The following EP400 variants were observed in gnomAD, a reference collection of about 807,000 sequenced individuals.
The protein encoded by EP400 is E1A binding protein p400, also known as E1A-binding protein p400.
Under a neutral mutation model 354.1 loss-of-function variants are expected in EP400, and 105 were observed. The observed-to-expected ratio is 0.30, with a 90% CI of 0.25 to 0.35. EP400 has a LOEUF of 0.35. Among genes scored for constraint, EP400 ranks in the 10% least tolerant of loss-of-function variants. The pLI is 1.00. For missense variants in EP400, 3,280 were observed against 4,121.0 expected, an observed-to-expected ratio of 0.80 and a Z score of 5.59; for synonymous variants, 1,646 against 1,716.9, an observed-to-expected ratio of 0.96 and a Z score of 1.02.
chr12:131,989,905 C>T, intron 7 of EP400, 59 bp from the exon 8 acceptor site: 10 of 1,579,386 alleles, frequency 6.3e-6, no homozygotes, highest in Non-Finnish European at 7.7e-6. Flanking sequence ...GTTACATATC[C>T]TTTTTTTTCC....
Position 131,960,707 on chromosome 12 carries a change from G to GAC in EP400, c.88_89insAC (p.Ala30AspfsTer33). ...TGGCAGCGAGGGTGAGGAGCAGCCG[G>GAC]CCCACCCCAACCCACCCCCGTCCCC... On this transcript the variant is annotated frameshift_variant, in exon 2 of 53. Coordinates refer to ENST00000389561, the MANE Select transcript of EP400 (RefSeq NM_015409.5). LOFTEE classifies it high-confidence loss of function. The GAC allele has an allele frequency of 4.5e-6, 7 of 1,545,552 alleles. No individual in the cohort carries two copies. The highest frequency in any genetic ancestry group is 2.4e-5 in the South Asian group (2 of 83,340).
chr12:132,021,237 C>T lies in EP400; in HGVS notation c.4606C>T (p.Pro1536Ser). 6.4e-7 allele frequency: 1 copy of T among 1,560,404 alleles called. No homozygotes were observed. The highest frequency in any genetic ancestry group is 2.3e-5 in the East Asian group (1 of 43,472). Residue 1536 changes from proline (P) to serine (S), a missense_variant, in exon 23 of 53, where the codon CCC (proline) becomes TCC (serine). Physicochemically the swap from Pro to Ser is moderately conservative, Grantham distance 74. This residue lies in a region of EP400 where 342 missense variants were observed against 342.7 expected (regional missense o/e 1.00). Coordinates refer to ENST00000389561, the MANE Select transcript of EP400 (RefSeq NM_015409.5). ...ASTPGQPPPQ[P>S]QAPSHAAGQS... ...CACCCCAGGCCAGCCCCCGCCCCAG[C>T]CCCAGGCCCCCTCGCACGCGGCCGG...
chr12:132,075,352 C>T lies in EP400; in HGVS notation c.9022-1164C>T, dbSNP rs1180431024. Among the ~76,000 whole-genome samples, 1 of 152,160 alleles carries T rather than the reference C, an allele frequency of 6.6e-6. No individual in the cohort carries two copies. Among genetic ancestry groups the T allele is most frequent in the Non-Finnish European group, 1.5e-5 (1 of 68,036 alleles). ...CAGAGGTTGTGCAGCTTTTCTGCTC[C>T]GTGACTCGTGATGCCCGCCTGTGCT... On this transcript the variant is annotated intron_variant, in intron 51 of 52. Coordinates refer to ENST00000389561, the MANE Select transcript of EP400 (RefSeq NM_015409.5). This position sits in a 1 kb window ranked among gnomAD's most constrained non-coding sequence, Gnocchi z 4.5.
chr12:131,957,723 G>A (rs1312253470), intron 1 of EP400, among the ~76,000 whole-genome samples: 1 of 151,984 alleles, frequency 6.6e-6, no homozygotes, highest in Non-Finnish European at 1.5e-5. Flanking sequence ...AGCCTCCCAA[G>A]TAGCTGGGAT....
chr12:132,051,913 C>T (rs1350020519), intron 41 of EP400, among the ~76,000 whole-genome samples: 1 of 152,158 alleles, frequency 6.6e-6, no homozygotes, highest in African/African-American at 2.4e-5. Flanking sequence ...TGGGTGTCTT[C>T]CCAGACGCTG....
intron 38 of EP400, 42 bp from the exon 39 acceptor site, chr12:132,045,685 T>TA (rs1328558469): frequency 6.2e-7 from 1 of 1,611,006 alleles, no homozygotes; most frequent in East Asian, 2.2e-5. Flanking sequence ...CCTTCTGACT[T>TA]AGAGTGTATT....
At chr12:132,043,619 A>C (rs1894986568) in intron 33 of EP400, 26 bp from the exon 34 acceptor site, 4 of 1,593,260 alleles carry the variant, frequency 2.5e-6, no homozygotes, top group Non-Finnish European at 3.4e-6. Flanking sequence ...TATTAACCCT[A>C]TTCAAAAAAT....
intron 50 of EP400, chr12:132,068,991 C>T (rs1895986468): frequency 6.5e-6 from 1 of 153,554 alleles, no homozygotes; most frequent in African/African-American, 2.4e-5. Context: ...TTAAAAACCC[C>T]TATTTACCCA....
intron 7 of EP400, 77 bp downstream of exon 7, chr12:131,987,967 G>C (rs61944564): frequency 0.1 from 121,577 of 1,210,074 alleles, 10,592 homozygotes; most frequent in African/African-American, 0.43. Context: ...AAGTGGTGGG[G>C]AGGTCTCCAG....
intron 4 of EP400, 109 bp from the exon 5 acceptor site, chr12:131,981,984 G>A: frequency 1.5e-6 from 2 of 1,370,028 alleles, no homozygotes; most frequent in Non-Finnish European, 2.0e-6. Flanking sequence ...GTGTGAGTGT[G>A]GTGGGTCTTG....
chr12:131,981,601 G>T lies in EP400; in HGVS notation c.1543+5G>T, dbSNP rs1892682820. 1 of 1,590,796 alleles carries T rather than the reference G, an allele frequency of 6.3e-7. No individual in the cohort carries two copies. The highest frequency in any genetic ancestry group is 8.6e-7 in the Non-Finnish European group (1 of 1,168,812). The stretch of plus-strand genomic sequence containing the variant: ...AACTAATGCCGACCGCACAAGGTAA[G>T]GCCCAGCAGCAGAGCCAGCTCCCCG... On this transcript the variant is annotated splice_donor_5th_base_variant and intron_variant, in intron 4 of 52. Transcript: ENST00000389561.
Position 132,012,938 on chromosome 12 carries a change from T to C in EP400, c.3442-71T>C, listed in dbSNP as rs1042893785. On this transcript the variant is annotated intron_variant, in intron 16 of 52. Coordinates refer to ENST00000389561, the MANE Select transcript of EP400 (RefSeq NM_015409.5). Reference sequence around the variant, plus strand: ...TCACTGGGTGGCAAGCTTTGGGAAGTGTGTGTCCTCAAGGTGATTTTGAAA... The same window carrying C: ...TCACTGGGTGGCAAGCTTTGGGAAGCGTGTGTCCTCAAGGTGATTTTGAAA... 7 of 1,462,110 alleles carry C rather than the reference T, an allele frequency of 4.8e-6. No individual in the cohort carries two copies. The African/African-American group carries it at 7.1e-5, about 15-fold the overall frequency. 90.6% of individuals were successfully genotyped at this position (1,462,110 alleles called of 1,614,324 possible).
chr12:131,982,288 A>G lies in EP400; in HGVS notation c.1739A>G (p.Gln580Arg), dbSNP rs753601627. 1 of 1,614,162 alleles carries G rather than the reference A, an allele frequency of 6.2e-7. No homozygotes were observed. The highest frequency in any genetic ancestry group is 8.5e-7 in the Non-Finnish European group (1 of 1,180,028). ...TCCTCTGCGCTGCAGTTTGCACAGC[A>G]GCCGCAAGTGGTAGAGGCCCAGACA... ...ALSSALQFAQQPQVVEAQTQL... is the reference protein window; with the variant it reads ...ALSSALQFAQRPQVVEAQTQL... The change falls in exon 5 of 53, where the codon CAG (glutamine) becomes CGG (arginine). Residue 580 changes from glutamine (Q) to arginine (R), a missense_variant. Transcript: ENST00000389561.
chr12:132,034,137 A>G (rs1565923438), intron 30 of EP400, among the ~76,000 whole-genome samples: 1 of 152,150 alleles, frequency 6.6e-6, no homozygotes, highest in Non-Finnish European at 1.5e-5. Context: ...AGTTTGGTGC[A>G]TGGTTTATGT....
intron 15 of EP400, among the ~76,000 whole-genome samples, chr12:132,007,709 G>C (rs75384662): frequency 0.027 from 4,162 of 152,352 alleles, 80 homozygotes; most frequent in Non-Finnish European, 0.044. Context: ...ACTTAAAGTA[G>C]GCTTTGCTAT....
chr12:131,952,063 G>T (rs949621348), intron 1 of EP400, among the ~76,000 whole-genome samples: 1 of 151,888 alleles, frequency 6.6e-6, no homozygotes, highest in African/African-American at 2.4e-5. Flanking sequence ...GGGATTACAG[G>T]CATGGTGAGC....
At position 132,027,873 on chromosome 12, in the gene EP400, A is replaced by C; in HGVS notation, c.5110-144A>C. 4 of 890,870 alleles carry C rather than the reference A, an allele frequency of 4.5e-6. No individual in the cohort carries two copies. Among genetic ancestry groups the C allele is most frequent in the Admixed American group, 2.8e-5 (1 of 35,088 alleles). The allele number at this position is 890,870 out of a possible 1,614,324, so 55.2% of individuals were successfully genotyped here. A position where few individuals can be genotyped will look rare whatever the true frequency, so the allele number is the denominator to read the frequency against. On this transcript the variant is annotated intron_variant, in intron 26 of 52. Coordinates refer to ENST00000389561, the MANE Select transcript of EP400 (RefSeq NM_015409.5). The surrounding 1 kb of genome is among the most constrained non-coding windows in gnomAD (Gnocchi z 4.9). Reference sequence around the variant, plus strand: ...TCCTGTAGCTCTCGGCTTCATTTCTATCTCTATTTCCTGTAACACAAGACC... The same window carrying C: ...TCCTGTAGCTCTCGGCTTCATTTCTCTCTCTATTTCCTGTAACACAAGACC...
chr12:132,064,030 C>T (rs1336443982), intron 47 of EP400, among the ~76,000 whole-genome samples: 1 of 149,746 alleles, frequency 6.7e-6, no homozygotes, highest in East Asian at 2.0e-4. Context: ...GATGACCCCC[C>T]CCCGGCCCAC....
At chr12:132,004,993 G>GT (rs1893532008) in intron 12 of EP400, 84 bp from the exon 13 acceptor site, 5 of 1,062,138 alleles carry the variant, frequency 4.7e-6, no homozygotes, top group Admixed American at 2.0e-5. Flanking sequence ...TCTTACCGTG[G>GT]TTCTCCTGGC....
Sources: allele counts gnomAD v4.1 joint callset (sites outside exome capture counted in the v4.1 genomes callset), GRCh38; gene constraint gnomAD v4.1.1; regional missense constraint gnomAD v4.1.1; non-coding constraint Gnocchi (gnomAD v3.1); transcripts MANE v1.5; gene names NCBI Gene and HGNC (gene_info 2026-07-23, HGNC 2026-07-21).